The following TBC1D32 variants were observed in gnomAD, a reference collection of about 807,000 sequenced individuals.
TBC1D32 encodes the protein TBC1 domain family member 32, also known as protein broad-minded.
In TBC1D32, 151 loss-of-function variants were observed where a neutral mutation model predicts 170.3. That is an observed-to-expected ratio of 0.89 (90% CI 0.78 to 1.01). The LOEUF (loss-of-function observed/expected upper bound fraction) is 1.01. Ranked by LOEUF, TBC1D32 falls within the 50% of genes least tolerant of loss-of-function variation. TBC1D32 has a pLI of 0.00. For synonymous variants in TBC1D32, 498 were observed against 488.0 expected (o/e 1.02, Z -0.27); for missense variants, 1,464 against 1,457.1 (o/e 1.00, Z -0.08).
At chr6:121,321,932 A>G (rs1308104874) in intron 1 of TBC1D32, 138 bp from the exon 2 acceptor site, 2 of 847,852 alleles carry the variant, frequency 2.4e-6, no homozygotes, top group East Asian at 3.0e-5. Context: ...CAAATCATCA[A>G]GCTAATCTAC....
intron 31 of TBC1D32, among the ~76,000 whole-genome samples, chr6:121,083,506 A>G (rs1776805): frequency 0.012 from 1,804 of 152,188 alleles, 43 homozygotes; most frequent in African/African-American, 0.042. Context: ...TGTATTCAAT[A>G]TTATATAATA....
chr6:121,333,799 G>T (rs1046241291), intron 1 of TBC1D32, among the ~76,000 whole-genome samples: 6 of 152,216 alleles, frequency 3.9e-5, no homozygotes, highest in African/African-American at 1.4e-4. Context: ...GGGCGCGGTG[G>T]CTCACGCCTG....
chr6:121,239,258 T>C, intron 19 of TBC1D32, 70 bp from the exon 20 acceptor site: 1 of 862,152 alleles, frequency 1.2e-6, no homozygotes, highest in Non-Finnish European at 1.9e-6. Context: ...AAAGATATGA[T>C]GATCCCTCTG....
intron 31 of TBC1D32, among the ~76,000 whole-genome samples, chr6:121,088,285 C>T (rs2128173134): frequency 1.3e-5 from 2 of 152,068 alleles, no homozygotes; most frequent in Middle Eastern, 6.8e-3. Context: ...AGTCTTTTTT[C>T]CCTCTGTACA....
At chr6:121,269,531 G>C (rs1479298939) in intron 15 of TBC1D32, among the ~76,000 whole-genome samples, 1 of 152,130 alleles carries the variant, frequency 6.6e-6, no homozygotes, top group Non-Finnish European at 1.5e-5. Context: ...TTACATAATG[G>C]TAAAGGGATC....
chr6:121,092,571 G>A (rs432721), intron 30 of TBC1D32, among the ~76,000 whole-genome samples: 10,090 of 151,724 alleles, frequency 0.067, 964 homozygotes, highest in African/African-American at 0.21. Context: ...AGGCAGGGGG[G>A]GCTTAAACAA....
intron 15 of TBC1D32, among the ~76,000 whole-genome samples, chr6:121,267,159 A>G (rs1800634857): frequency 6.6e-6 from 1 of 151,038 alleles, no homozygotes; most frequent in Non-Finnish European, 1.5e-5. Context: ...GGAGGTTCCA[A>G]GATGGCTGAA....
At chr6:121,214,546 A>T (rs1793570611) in intron 21 of TBC1D32, among the ~76,000 whole-genome samples, 1 of 152,182 alleles carries the variant, frequency 6.6e-6, no homozygotes, top group Admixed American at 6.5e-5. Flanking sequence ...GGCTGCACCT[A>T]GACAAGGCAT....
intron 26 of TBC1D32, among the ~76,000 whole-genome samples, chr6:121,123,093 T>C (rs866283597): frequency 6.6e-6 from 1 of 152,084 alleles, no homozygotes; most frequent in Non-Finnish European, 1.5e-5. Flanking sequence ...AAGGTTATTA[T>C]GACAACTTCT....
chr6:121,241,438 T>C (rs1796973441), intron 19 of TBC1D32, 27 bp downstream of exon 19: 1 of 1,574,050 alleles, frequency 6.4e-7, no homozygotes, highest in African/African-American at 1.4e-5. Flanking sequence ...AAAATAATTA[T>C]AATTCTAATG....
At chr6:121,231,368 G>A (rs940834483) in intron 20 of TBC1D32, among the ~76,000 whole-genome samples, 1 of 152,140 alleles carries the variant, frequency 6.6e-6, no homozygotes, top group Non-Finnish European at 1.5e-5. Flanking sequence ...TGCAAATTGT[G>A]CTGCTATGAA....
intron 21 of TBC1D32, among the ~76,000 whole-genome samples, chr6:121,222,570 T>A (rs2128328021): frequency 1.1e-5 from 1 of 90,170 alleles, no homozygotes; most frequent in South Asian, 5.5e-4. Context: ...AGGGCAAAAC[T>A]ATGTTTATGA....
At position 121,087,296 on chromosome 6, in the gene TBC1D32, AC is replaced by A. The variant is rs1016346707; in HGVS notation, c.3654+3556del. Among the ~76,000 whole-genome samples, 85 of 152,336 alleles carry A rather than the reference AC, an allele frequency of 5.6e-4. 1 individual carries two copies. Among genetic ancestry groups the A allele is most frequent in the Middle Eastern group, 3.4e-3 (1 of 294 alleles). ...ACCAGTTCTGCCTATTAGTGTTCACACCACCTTCTGATCCAAGAAATTCCAA... is the reference window on the plus strand; with the variant it reads ...ACCAGTTCTGCCTATTAGTGTTCACACACCTTCTGATCCAAGAAATTCCAA... On this transcript the variant is annotated intron_variant, in intron 31 of 31. Transcript: ENST00000398212.
intron 10 of TBC1D32, among the ~76,000 whole-genome samples, chr6:121,296,963 C>G (rs1295156852): frequency 6.6e-6 from 1 of 152,062 alleles, no homozygotes; most frequent in Non-Finnish European, 1.5e-5. Flanking sequence ...GAAATCCACC[C>G]TCCTTGCATC....
intron 1 of TBC1D32, among the ~76,000 whole-genome samples, chr6:121,330,283 C>G (rs995758781): frequency 2.0e-5 from 3 of 152,118 alleles, no homozygotes; most frequent in African/African-American, 7.2e-5. Context: ...ATCTGCCCAC[C>G]TCGACTTCTC....
At chr6:121,192,945 C>G (rs2128289374) in intron 22 of TBC1D32, among the ~76,000 whole-genome samples, 1 of 152,266 alleles carries the variant, frequency 6.6e-6, no homozygotes, top group Non-Finnish European at 1.5e-5. Context: ...GGAGCCACCT[C>G]CAACACCCCT....
intron 22 of TBC1D32, among the ~76,000 whole-genome samples, chr6:121,174,455 T>G (rs1052605337): frequency 2.0e-5 from 3 of 151,838 alleles, no homozygotes; most frequent in African/African-American, 7.3e-5. Flanking sequence ...CCTGGTAAAG[T>G]TAAGCTTAAC....
chr6:121,103,700 T>C (rs1778396071), intron 30 of TBC1D32, among the ~76,000 whole-genome samples: 1 of 151,926 alleles, frequency 6.6e-6, no homozygotes, highest in Non-Finnish European at 1.5e-5. Context: ...AACCTGCACG[T>C]TGTGCACATG....
chr6:121,300,164 C>T (rs530257142), intron 9 of TBC1D32, among the ~76,000 whole-genome samples: 33 of 152,178 alleles, frequency 2.2e-4, no homozygotes, highest in African/African-American at 6.7e-4. Context: ...AAAATATTGG[C>T]CGGGCACAGT....
Sources: gnomAD v4.1 joint callset for allele counts (sites outside exome capture counted in the v4.1 genomes callset) on GRCh38, gnomAD v4.1.1 for gene constraint, MANE v1.5 for transcripts, NCBI Gene and HGNC (gene_info 2026-07-23, HGNC 2026-07-21) for gene names.